Variants in TMEM233 observed in about 807,000 individuals in gnomAD.
TMEM233 encodes transmembrane protein 233.
A neutral mutation model predicts 11.2 loss-of-function variants in TMEM233; 6 were observed. The ratio of observed to expected loss-of-function variants is 0.54; its 90% CI spans 0.29 to 1.06. TMEM233 has a LOEUF of 1.06. Among genes scored for constraint, TMEM233 ranks in the 50% least tolerant of loss-of-function variants. The probability of loss-of-function intolerance (pLI) is 0.08; values close to 1 mark genes in which losing one functional copy is unlikely to be tolerated. For synonymous variants in TMEM233, 59 were observed against 55.8 expected (o/e 1.06, Z -0.26); for missense variants, 127 against 144.7 (o/e 0.88, Z 0.63).
At chr12:119,633,672 G>A (rs1233807852) in intron 2 of TMEM233, among the ~76,000 whole-genome samples, 1 of 152,168 alleles carries the variant, frequency 6.6e-6, no homozygotes, top group Admixed American at 6.5e-5. Flanking sequence ...GAGAGACAGA[G>A]AGAAAGAAGG....
At chr12:119,651,175 G>A in the TMEM233 span, among the ~76,000 whole-genome samples, 1 of 152,198 alleles carries the variant, frequency 6.6e-6, no homozygotes, top group Non-Finnish European at 1.5e-5. Context: ...ATTTCAGATA[G>A]AAGACAAACT....
intron 1 of TMEM233, among the ~76,000 whole-genome samples, chr12:119,600,491 A>G (rs1241341100): frequency 1.3e-5 from 2 of 152,212 alleles, no homozygotes; most frequent in African/African-American, 4.8e-5. Context: ...TGGAGGCTGA[A>G]GAAGTAATGT....
chr12:119,604,901 G>T (rs1349200346), intron 1 of TMEM233, among the ~76,000 whole-genome samples: 1 of 152,078 alleles, frequency 6.6e-6, no homozygotes, highest in African/African-American at 2.4e-5. Flanking sequence ...CCAAAGTGCT[G>T]GGATTACAGG....
At chr12:119,645,312 C>G (rs1161159108), downstream of TMEM233, among the ~76,000 whole-genome samples, 1 of 23,218 alleles carries the variant, frequency 4.3e-5, no homozygotes, top group Non-Finnish European at 9.8e-5. Flanking sequence ...TTCTGGGCCA[C>G]CAATTACCAA....
chr12:119,599,765 C>T (rs1193110674), intron 1 of TMEM233, among the ~76,000 whole-genome samples: 1 of 152,036 alleles, frequency 6.6e-6, no homozygotes, highest in African/African-American at 2.4e-5. Context: ...CAGAGATCAC[C>T]TACCACCCCA....
chr12:119,645,320 C>CAAAAGAAA (rs1555268601), downstream of TMEM233, among the ~76,000 whole-genome samples: 2 of 74,794 alleles, frequency 2.7e-5, no homozygotes, highest in Non-Finnish European at 5.1e-5. Flanking sequence ...CACCAATTAC[C>CAAAAGAAA]AAAAAAAAAA....
In TMEM233 at chr12:119,640,887, G is replaced by A; in HGVS notation, c.*182G>A. 1 of 602,520 alleles carries A rather than the reference G, an allele frequency of 1.7e-6. No homozygotes were observed. Among genetic ancestry groups the A allele is most frequent in the Non-Finnish European group, 2.7e-6 (1 of 367,810 alleles). The allele number at this position is 602,520 out of a possible 1,614,324, so 37.3% of individuals were successfully genotyped here. On this transcript the variant is annotated 3_prime_UTR_variant, in exon 3 of 3. Coordinates refer to ENST00000426426, the MANE Select transcript of TMEM233 (RefSeq NM_001136534.3). ...AAAAAAAAAAAAGTCCAAAATTTAG[G>A]CAATCCAAGCTGCACAGCCGGATCA...
intron 1 of TMEM233, among the ~76,000 whole-genome samples, chr12:119,629,082 C>T (rs1290442850): frequency 6.6e-6 from 1 of 152,232 alleles, no homozygotes; most frequent in Non-Finnish European, 1.5e-5. Flanking sequence ...GCATCTTCTA[C>T]ATGGCAAGTA....
chr12:119,599,430 A>AT (rs934201742), intron 1 of TMEM233, among the ~76,000 whole-genome samples: 10 of 119,800 alleles, frequency 8.3e-5, no homozygotes, highest in Admixed American at 7.4e-4. Context: ...TGTGCCCAGA[A>AT]TTTTAAAAAA....
At chr12:119,626,182 C>T (rs1002118159) in intron 1 of TMEM233, among the ~76,000 whole-genome samples, 2 of 152,104 alleles carry the variant, frequency 1.3e-5, no homozygotes, top group Non-Finnish European at 2.9e-5. Flanking sequence ...ATTGAGAAAA[C>T]TACATAGGGC....
At chr12:119,629,713 A>C in intron 1 of TMEM233, 23 bp from the exon 2 acceptor site, 1 of 1,543,746 alleles carries the variant, frequency 6.5e-7, no homozygotes, top group Non-Finnish European at 8.7e-7. Context: ...TGTCATCACC[A>C]GCTCTTCCCT....
intron 2 of TMEM233, among the ~76,000 whole-genome samples, chr12:119,630,466 C>T (rs1160090532): frequency 6.6e-6 from 1 of 152,206 alleles, no homozygotes; most frequent in East Asian, 1.9e-4. Context: ...CCATATGGTC[C>T]CGATCATGGT....
downstream of TMEM233, among the ~76,000 whole-genome samples, chr12:119,644,778 C>T (rs113769185): frequency 1.1e-3 from 171 of 152,314 alleles, 1 homozygote; most frequent in African/African-American, 3.8e-3. Context: ...CACACCCAGC[C>T]TCCTCATAGC....
intron 2 of TMEM233, among the ~76,000 whole-genome samples, chr12:119,638,388 A>T (rs1396105944): frequency 6.6e-6 from 1 of 152,178 alleles, no homozygotes; most frequent in Non-Finnish European, 1.5e-5. Context: ...GCTTGAGCCC[A>T]AGAGGTCGAG....
intron 2 of TMEM233, chr12:119,634,420 C>A (rs1954937281): frequency 4.6e-6 from 1 of 216,610 alleles, no homozygotes; most frequent in Non-Finnish European, 7.9e-6. Flanking sequence ...CCAGCCTGGG[C>A]AACATAGCAA....
At position 119,629,664 on chromosome 12, in the gene TMEM233, A is replaced by G. The variant is rs929140364; in HGVS notation, c.187-72A>G. The G allele has an allele frequency of 1.7e-5, 25 of 1,447,588 alleles. No individual in the cohort carries two copies. In the African/African-American group the frequency reaches 3.3e-4, roughly 19 times the overall value. 89.7% of individuals were successfully genotyped at this position (1,447,588 alleles called of 1,614,324 possible). A position where few individuals can be genotyped will look rare whatever the true frequency, so the allele number is the denominator to read the frequency against. Reference sequence around the variant, plus strand: ...GAGCTCTTGGAACCTTTTCATCAGGACAGCCTGAGGACCTCCATCCCTTTC... The same window carrying G: ...GAGCTCTTGGAACCTTTTCATCAGGGCAGCCTGAGGACCTCCATCCCTTTC... On this transcript the variant is annotated intron_variant, in intron 1 of 2. Coordinates refer to ENST00000426426, the MANE Select transcript of TMEM233 (RefSeq NM_001136534.3).
At chr12:119,604,384 A>G (rs556715151) in intron 1 of TMEM233, among the ~76,000 whole-genome samples, 1 of 152,332 alleles carries the variant, frequency 6.6e-6, no homozygotes, top group African/African-American at 2.4e-5. Flanking sequence ...CTTTAATGGA[A>G]TAATATAGTA....
rs1953982618 is a variant in TMEM233, at chr12:119,594,232, A to T, written c.186+198A>T. ...CCGCAATCATCAGCACCTCCTCTGC[A>T]CTCCTCGTGGTACTCAGAGCCCTGA... is the stretch of plus-strand genomic sequence containing the variant. On this transcript the variant is annotated intron_variant, in intron 1 of 2. Transcript: ENST00000426426. This position sits in a 1 kb window ranked among gnomAD's most constrained non-coding sequence, Gnocchi z 5.6. 1 of 595,834 alleles carries T rather than the reference A, an allele frequency of 1.7e-6. No individual in the cohort carries two copies. Among genetic ancestry groups the T allele is most frequent in the Admixed American group, 3.0e-5 (1 of 33,192 alleles). 36.9% of individuals were successfully genotyped at this position (595,834 alleles called of 1,614,324 possible).
At chr12:119,618,318 G>T (rs910705460) in intron 1 of TMEM233, among the ~76,000 whole-genome samples, 1 of 152,242 alleles carries the variant, frequency 6.6e-6, no homozygotes, top group African/African-American at 2.4e-5. Context: ...AGGGAAGTAT[G>T]GAAGGGAAAT....
Sources: allele counts gnomAD v4.1 joint callset (sites outside exome capture counted in the v4.1 genomes callset), GRCh38; gene constraint gnomAD v4.1.1; non-coding constraint Gnocchi (gnomAD v3.1); transcripts MANE v1.5; gene names NCBI Gene and HGNC (gene_info 2026-07-23, HGNC 2026-07-21).